Variants in GTPBP3 observed in about 807,000 individuals in gnomAD.
The protein encoded by GTPBP3 is 5-taurinomethyluridine-[tRNA] synthase subunit GTPB3, mitochondrial.
A neutral mutation model predicts 42.0 loss-of-function variants in GTPBP3; 35 were observed. The observed-to-expected ratio is 0.83, with a 90% CI of 0.64 to 1.10. GTPBP3 has a LOEUF of 1.10. GTPBP3 is among the 50% of genes least tolerant of loss of function. The pLI is 0.00. For synonymous variants in GTPBP3, 332 were observed against 314.9 expected, an observed-to-expected ratio of 1.05 and a Z score of -0.58; for missense variants, 691 against 685.2, an observed-to-expected ratio of 1.01 and a Z score of -0.09.
chr19:17,337,748 C>T, intron 1 of GTPBP3, 84 bp downstream of exon 1: 3 of 1,383,452 alleles, frequency 2.2e-6, no homozygotes, highest in Non-Finnish European at 2.9e-6. Flanking sequence ...GGGCCCAATT[C>T]CCTGCGGCAG....
At chr19:17,337,794 C>A in intron 1 of GTPBP3, 130 bp downstream of exon 1, 2 of 1,276,592 alleles carry the variant, frequency 1.6e-6, no homozygotes, top group South Asian at 1.6e-5. Context: ...CTCAATCGTT[C>A]ATGACCCTTG....
upstream of GTPBP3, chr19:17,335,031 C>CCA (rs1568363976): frequency 6.5e-7 from 1 of 1,536,176 alleles, no homozygotes; most frequent in Non-Finnish European, 8.7e-7. Context: ...TTGTCCCCAC[C>CCA]CATGCTTTCT....
chr19:17,339,331 G>C, intron 6 of GTPBP3, 65 bp downstream of exon 6: 1 of 1,580,536 alleles, frequency 6.3e-7, no homozygotes, highest in South Asian at 1.2e-5. Flanking sequence ...CTGGGTTATT[G>C]AGTTAGTTGT....
In GTPBP3 at chr19:17,338,418, C is replaced by T. The variant is rs751619113; in HGVS notation, c.355C>T (p.Pro119Ser). ...DCVEFHVHGG[P>S]AVVSGVLQAL... Reference sequence around the variant, plus strand: ...CGTGGAGTTCCACGTGCATGGAGGCCCGGCAGTGGTGAGCGGCGTCCTGCA... The same window carrying T: ...CGTGGAGTTCCACGTGCATGGAGGCTCGGCAGTGGTGAGCGGCGTCCTGCA... The change falls in exon 3 of 9, where the codon CCG (proline) becomes TCG (serine). Residue 119 changes from proline to serine, a missense_variant. Transcript: ENST00000324894. 1.2e-6 allele frequency: 2 copies of T among 1,614,130 alleles called. No individual in the cohort carries two copies. The highest frequency in any genetic ancestry group is 4.5e-5 in the East Asian group (2 of 44,876).
Position 17,338,029 on chromosome 19 carries a change from C to G in GTPBP3, c.75C>G (p.Ser25Arg), listed in dbSNP as rs1462854840. The G allele has an allele frequency of 1.3e-6, 2 of 1,597,886 alleles. No individual in the cohort carries two copies. Among genetic ancestry groups the G allele is most frequent in the East Asian group, 4.5e-5 (2 of 44,828 alleles). ...CCAGATTGTGCACGCGCCGGAGCAGCGGCGCACCAGCCCCCGGCTCCGGCG... is the reference window on the plus strand; with the variant it reads ...CCAGATTGTGCACGCGCCGGAGCAGGGGCGCACCAGCCCCCGGCTCCGGCG... ...GPRRLCTRRSSGAPAPGSGAT... is the reference protein window; with the variant it reads ...GPRRLCTRRSRGAPAPGSGAT... The change falls in exon 2 of 9, where the codon AGC (serine) becomes AGG (arginine). Residue 25 changes from serine (S) to arginine (R), a missense_variant. Ser to Arg is a moderately radical substitution (Grantham distance 110). Transcript: ENST00000324894.
Position 17,339,551 on chromosome 19 carries a change from A to C in GTPBP3, c.926A>C (p.Glu309Ala), listed in dbSNP as rs2074407282. The change falls in exon 7 of 9, where the codon GAG becomes GCG. Residue 309 changes from glutamate (E) to alanine (A), a missense_variant. Coordinates refer to ENST00000324894, the MANE Select transcript of GTPBP3 (RefSeq NM_032620.4). Reference sequence around the variant, plus strand: ...CTGAGCGACACGGCTGGGTTGCGGGAGGGCGTGGGGCCCGTGGAGCAGGAG... The same window carrying C: ...CTGAGCGACACGGCTGGGTTGCGGGCGGGCGTGGGGCCCGTGGAGCAGGAG... ...VLLSDTAGLREGVGPVEQEGV... is the reference protein window; with the variant it reads ...VLLSDTAGLRAGVGPVEQEGV... The C allele has an allele frequency of 6.2e-7, 1 of 1,612,736 alleles. No individual in the cohort carries two copies. Among genetic ancestry groups the C allele is most frequent in the Non-Finnish European group, 8.5e-7 (1 of 1,179,696 alleles).
chr19:17,341,200 C>A lies in GTPBP3; in HGVS notation c.1131C>A (p.Asp377Glu), dbSNP rs759530754. The A allele has an allele frequency of 1.2e-6, 2 of 1,610,596 alleles. No individual in the cohort carries two copies. The highest frequency in any genetic ancestry group is 3.3e-5 in the Admixed American group (2 of 59,968). ...QRLLLVLNKS[D>E]LLSPEGPGPG... ...TCCTCCTGGTGCTGAACAAGTCGGA[C>A]CTGCTGTCCCCGGAGGGCCCAGGTC... Residue 377 changes from aspartate (D) to glutamate (E), a missense_variant, in exon 8 of 9, where the codon GAC becomes GAA. Transcript: ENST00000324894.
intron 1 of GTPBP3, 103 bp from the exon 2 acceptor site, chr19:17,337,905 A>G (rs748773577): frequency 1.9e-5 from 26 of 1,342,156 alleles, no homozygotes; most frequent in Non-Finnish European, 2.6e-5. Flanking sequence ...CCAGCCGCAG[A>G]ACCCCCCCAC....
At chr19:17,340,146 T>C (rs1054959040) in intron 7 of GTPBP3, among the ~76,000 whole-genome samples, 1 of 152,080 alleles carries the variant, frequency 6.6e-6, no homozygotes, top group Admixed American at 6.6e-5. Context: ...GTGATTCTTC[T>C]GCCTGGGCCT....
At chr19:17,338,778 C>A in intron 4 of GTPBP3, 37 bp downstream of exon 4, 1 of 1,579,480 alleles carries the variant, frequency 6.3e-7, no homozygotes, top group Non-Finnish European at 8.6e-7. Flanking sequence ...CCCTCAGAGA[C>A]CCCATCTGTG....
At chr19:17,336,550 G>A (rs1215786251), upstream of GTPBP3, 3 of 152,146 alleles carry the variant, frequency 2.0e-5, no homozygotes, top group Admixed American at 2.0e-4. Flanking sequence ...ATATTGAGCA[G>A]GGCGAGGTAA....
At chr19:17,338,835 G>T in intron 4 of GTPBP3, 94 bp downstream of exon 4, 1 of 1,533,006 alleles carries the variant, frequency 6.5e-7, no homozygotes, top group East Asian at 2.3e-5. Flanking sequence ...CATTCCCTGC[G>T]TGAAAGCTTC....
chr19:17,340,915 ACTC>A, intron 7 of GTPBP3, 126 bp from the exon 8 acceptor site: 2 of 978,640 alleles, frequency 2.0e-6, no homozygotes, highest in Non-Finnish European at 2.9e-6. Context: ...CTGGTACTCT[ACTC>A]CTCCCTCCCG....
At chr19:17,335,201 A>G, upstream of GTPBP3, 12 of 1,522,172 alleles carry the variant, frequency 7.9e-6, no homozygotes, top group South Asian at 1.1e-4. Flanking sequence ...CAACCACCCC[A>G]GTAGGGCTGT....
In GTPBP3 at chr19:17,339,212, G is replaced by A. The variant is rs370391378; in HGVS notation, c.754G>A (p.Val252Ile). ...RGQRLRSGVH[V>I]VVTGPPNAGK... ...GCAGAGGCTCCGCTCAGGGGTGCACGTAGTGGTCACTGGACCCCCCAATGC... is the reference window on the plus strand; with the variant it reads ...GCAGAGGCTCCGCTCAGGGGTGCACATAGTGGTCACTGGACCCCCCAATGC... The change falls in exon 6 of 9, where the codon GTA (valine) becomes ATA (isoleucine). Residue 252 changes from valine (V) to isoleucine (I), a missense_variant. Coordinates refer to ENST00000324894, the MANE Select transcript of GTPBP3 (RefSeq NM_032620.4). The A allele has an allele frequency of 5.6e-6, 9 of 1,612,498 alleles. No homozygotes were observed. Among genetic ancestry groups the A allele is most frequent in the East Asian group, 2.2e-5 (1 of 44,890 alleles).
intron 1 of GTPBP3, 82 bp from the exon 2 acceptor site, chr19:17,337,926 T>G (rs1462556895): frequency 3.3e-6 from 5 of 1,534,042 alleles, no homozygotes; most frequent in Non-Finnish European, 4.4e-6. Context: ...CTGGAGCATC[T>G]CGCGATCATC....
chr19:17,339,100 T>C (rs1292895029), intron 5 of GTPBP3, 23 bp from the exon 6 acceptor site: 2 of 1,614,126 alleles, frequency 1.2e-6, no homozygotes, highest in African/African-American at 1.3e-5. Flanking sequence ...TGTCTCTCTC[T>C]GCCTGCCTTC....
intron 4 of GTPBP3, 41 bp downstream of exon 4, chr19:17,338,782 A>G: frequency 1.3e-6 from 2 of 1,576,700 alleles, no homozygotes; most frequent in Non-Finnish European, 1.7e-6. Context: ...CAGAGACCCC[A>G]TCTGTGCAAC....
At chr19:17,338,868 G>A in intron 4 of GTPBP3, 86 bp from the exon 5 acceptor site, 1 of 1,538,024 alleles carries the variant, frequency 6.5e-7, no homozygotes. Context: ...CGCCATTCTG[G>A]CCCCTGAAGT....
Sources: allele counts gnomAD v4.1 joint callset (sites outside exome capture counted in the v4.1 genomes callset), GRCh38; gene constraint gnomAD v4.1.1; transcripts MANE v1.5; gene names NCBI Gene and HGNC (gene_info 2026-07-23, HGNC 2026-07-21).